SELENOF: variants seen among roughly 807,000 people sequenced by gnomAD.
SELENOF encodes 15 kDa selenoprotein.
In SELENOF, 16 loss-of-function variants were observed where a neutral mutation model predicts 20.5. The observed-to-expected ratio is 0.78, with a 90% CI of 0.53 to 1.19. The LOEUF (loss-of-function observed/expected upper bound fraction) is 1.19. SELENOF is among the 50% of genes most tolerant of loss of function. The pLI, the probability that SELENOF is intolerant of heterozygous loss-of-function variation, is 0.00. For missense variants in SELENOF, 215 were observed against 194.2 expected (o/e 1.11, Z -0.64); for synonymous variants, 78 against 74.5 (o/e 1.05, Z -0.24).
At chr1:86,870,826 A>C (rs1028422858) in intron 3 of SELENOF, among the ~76,000 whole-genome samples, 5 of 152,074 alleles carry the variant, frequency 3.3e-5, no homozygotes, top group Admixed American at 2.6e-4. Context: ...TCACCGCGTT[A>C]GCCAGGATGG....
chr1:86,902,160 T>TAAA (rs1659718575), intron 2 of SELENOF, among the ~76,000 whole-genome samples: 2 of 152,210 alleles, frequency 1.3e-5, no homozygotes, highest in Non-Finnish European at 2.9e-5. Context: ...AATCAAGTTT[T>TAAA]AAAAACTTGT....
intron 4 of SELENOF, among the ~76,000 whole-genome samples, chr1:86,867,062 C>T (rs1322840093): frequency 1.3e-5 from 2 of 152,106 alleles, no homozygotes; most frequent in Admixed American, 6.6e-5. Context: ...AGATGTCCTT[C>T]CACAGGTGAA....
At chr1:86,892,676 A>C (rs1430992336) in intron 2 of SELENOF, among the ~76,000 whole-genome samples, 1 of 152,206 alleles carries the variant, frequency 6.6e-6, no homozygotes, top group Non-Finnish European at 1.5e-5. Context: ...AAATGTTTTG[A>C]TGCTCTTTTA....
chr1:86,881,828 GAT>G lies in SELENOF; in HGVS notation c.253-1105_253-1104del, dbSNP rs3835439. 2.7e-4 allele frequency among the ~76,000 whole-genome samples: 41 copies of G among 152,258 alleles called. No individual in the cohort carries two copies. In the East Asian group the frequency reaches 7.3e-3, roughly 27 times the overall value. On this transcript the variant is annotated intron_variant, in intron 2 of 4. Coordinates refer to ENST00000331835, the MANE Select transcript of SELENOF (RefSeq NM_004261.5). ...GAGTCACTGACCCTTCTGAGAATCT[GAT>G]AGAATTTCGCTTTAATGCAGGCTGT... is the stretch of plus-strand genomic sequence containing the variant.
At chr1:86,883,575 T>A (rs1032852796) in intron 2 of SELENOF, among the ~76,000 whole-genome samples, 2 of 152,188 alleles carry the variant, frequency 1.3e-5, no homozygotes, top group African/African-American at 4.8e-5. Flanking sequence ...ATTAAAAGCA[T>A]ATAAGGCCAT....
chr1:86,898,887 A>C (rs1659597264), intron 2 of SELENOF, among the ~76,000 whole-genome samples: 1 of 151,634 alleles, frequency 6.6e-6, no homozygotes, highest in Non-Finnish European at 1.5e-5. Flanking sequence ...GCAGATAAAC[A>C]AGTGAACAAA....
chr1:86,913,952 A>G (rs1462181627), intron 1 of SELENOF, 76 bp downstream of exon 1: 1 of 1,370,568 alleles, frequency 7.3e-7, no homozygotes, highest in Admixed American at 1.7e-5. Flanking sequence ...TTCAACCAGG[A>G]CCGAATGTTG....
At chr1:86,904,367 T>C (rs111535655) in intron 1 of SELENOF, among the ~76,000 whole-genome samples, 3,056 of 152,326 alleles carry the variant, frequency 0.02, 107 homozygotes, top group African/African-American at 0.062. Context: ...ATTGCTATGG[T>C]TACCTTACAT....
intron 1 of SELENOF, among the ~76,000 whole-genome samples, chr1:86,904,998 A>T (rs986881233): frequency 6.6e-6 from 1 of 152,172 alleles, no homozygotes; most frequent in African/African-American, 2.4e-5. Context: ...AGTCCACTCA[A>T]TATCACATTT....
intron 4 of SELENOF, among the ~76,000 whole-genome samples, chr1:86,864,910 A>G (rs1658553029): frequency 1.3e-5 from 2 of 151,998 alleles, no homozygotes; most frequent in Admixed American, 1.3e-4. Flanking sequence ...CTGGGATTAC[A>G]TAGGTGGGAG....
intron 2 of SELENOF, among the ~76,000 whole-genome samples, chr1:86,885,098 G>T (rs959408030): frequency 1.3e-5 from 2 of 152,020 alleles, no homozygotes; most frequent in African/African-American, 4.8e-5. Flanking sequence ...ATTAGTCTTC[G>T]GATAAATTCC....
rs1242960218 is a variant in SELENOF at position 86,863,466 on chromosome 1, A to G, written c.*8T>C. 6.2e-7 allele frequency: 1 copy of G among 1,607,696 alleles called. No individual in the cohort carries two copies. Reference sequence around the variant, plus strand: ...TAACAAAAGGATAGGACAAAATTTAAGCAAGATTTATATGCGTTCCAACTT... The same window carrying G: ...TAACAAAAGGATAGGACAAAATTTAGGCAAGATTTATATGCGTTCCAACTT... On this transcript the variant is annotated 3_prime_UTR_variant, in exon 5 of 5. Transcript: ENST00000331835.
rs118105683 is a variant in SELENOF at position 86,876,132 on chromosome 1, C to G, written c.316+4530G>C. 1.3e-3 allele frequency among the ~76,000 whole-genome samples: 197 copies of G among 151,206 alleles called. 4 individuals are homozygous for G. In the East Asian group the frequency reaches 0.032, roughly 24 times the overall value. On this transcript the variant is annotated intron_variant, in intron 3 of 4. Transcript: ENST00000331835. ...AAGAGGCAGACTAGATAACAAGTAC[C>G]TAATCCTTTTGGATAAAGATGTTAA...
At chr1:86,911,594 A>G (rs974280665) in intron 1 of SELENOF, among the ~76,000 whole-genome samples, 1 of 152,194 alleles carries the variant, frequency 6.6e-6, no homozygotes, top group Non-Finnish European at 1.5e-5. Flanking sequence ...TGCACTGTAG[A>G]GATTGGAAAT....
chr1:86,872,808 C>G (rs992841583), intron 3 of SELENOF, among the ~76,000 whole-genome samples: 2 of 151,814 alleles, frequency 1.3e-5, no homozygotes, highest in African/African-American at 4.8e-5. Context: ...TTTGGGAGGC[C>G]GAGGTGGGAG....
chr1:86,887,062 T>C, intron 2 of SELENOF: 3 of 1,337,492 alleles, frequency 2.2e-6, no homozygotes, highest in Non-Finnish European at 2.9e-6. Flanking sequence ...TATTATCACC[T>C]AAACCATGTT....
rs768655843 is a variant in SELENOF at position 86,914,114 on chromosome 1, T to C, written c.-3A>G. On this transcript the variant is annotated 5_prime_UTR_variant, in exon 1 of 5. Coordinates refer to ENST00000331835, the MANE Select transcript of SELENOF (RefSeq NM_004261.5). ...GGCCCAGCCGCCATCGCTACCATTT[T>C]CCGCAGGTTTCTGGCTGCCTAGAAG... is the stretch of plus-strand genomic sequence containing the variant. The C allele has an allele frequency of 1.2e-6, 2 of 1,613,988 alleles. No homozygotes were observed. The highest frequency in any genetic ancestry group is 1.7e-6 in the Non-Finnish European group (2 of 1,179,884).
intron 2 of SELENOF, among the ~76,000 whole-genome samples, chr1:86,895,175 C>T (rs1350945296): frequency 6.6e-6 from 1 of 152,072 alleles, no homozygotes; most frequent in Non-Finnish European, 1.5e-5. Flanking sequence ...CCTCTTGATT[C>T]GACTAATCCA....
intron 3 of SELENOF, among the ~76,000 whole-genome samples, chr1:86,876,457 C>T (rs527332966): frequency 1.3e-5 from 2 of 152,226 alleles, no homozygotes; most frequent in African/African-American, 4.8e-5. Flanking sequence ...CAGGACCCAT[C>T]CCAAATTTAT....
Sources: gnomAD v4.1 joint callset for allele counts (sites outside exome capture counted in the v4.1 genomes callset) on GRCh38, gnomAD v4.1.1 for gene constraint, MANE v1.5 for transcripts, NCBI Gene and HGNC (gene_info 2026-07-23, HGNC 2026-07-21) for gene names.